FASTKD3: variants seen among roughly 807,000 people sequenced by gnomAD.
FASTKD3 encodes the protein FAST kinase domains 3, also known as FAST kinase domain-containing protein 3, mitochondrial.
FASTKD3 carries 47 observed loss-of-function variants against 49.7 expected under a neutral mutation model. That is an observed-to-expected ratio of 0.95 (90% confidence interval 0.75 to 1.21). FASTKD3 has a LOEUF of 1.21. FASTKD3 is among the 50% of genes most tolerant of loss of function. FASTKD3 has a pLI of 0.00. For synonymous variants in FASTKD3, 284 were observed against 288.6 expected (o/e 0.98, Z 0.16); for missense variants, 748 against 765.7 (o/e 0.98, Z 0.27).
In FASTKD3 at chr5:7,859,551, G is replaced by GA; in HGVS notation, c.1885-13dup. The GA allele has an allele frequency of 6.5e-7, 1 of 1,540,384 alleles. No individual in the cohort carries two copies. The highest frequency in any genetic ancestry group is 8.9e-7 in the Non-Finnish European group (1 of 1,124,304). Reference sequence around the variant, plus strand: ...TCATGATAGGGGATCTGTAAAGGTAGAAAAGTAAAACTGGTCAAGATCCTT... The same window carrying GA: ...TCATGATAGGGGATCTGTAAAGGTAGAAAAAGTAAAACTGGTCAAGATCCTT... On this transcript the variant is annotated splice_polypyrimidine_tract_variant and intron_variant, in intron 6 of 6. Coordinates refer to ENST00000264669, the MANE Select transcript of FASTKD3 (RefSeq NM_024091.4).
rs993907707 is a variant in FASTKD3, at chr5:7,863,911, C to T, written c.1525-914G>A. Among the ~76,000 whole-genome samples the T allele has an allele frequency of 7.9e-5, 12 of 152,040 alleles. No individual in the cohort carries two copies. In the East Asian group the frequency reaches 9.7e-4, roughly 12 times the overall value. On this transcript the variant is annotated intron_variant, in intron 3 of 6. Transcript: ENST00000264669. ...TGTTGCCCAGGCTGGAGTACAATGA[C>T]GCGACCTCGGCTCACTGCAACCTCC...
In FASTKD3 at chr5:7,862,970, C is replaced by T; in HGVS notation, c.1552G>A (p.Val518Met). 1 of 1,613,766 alleles carries T rather than the reference C, an allele frequency of 6.2e-7. No individual in the cohort carries two copies. Residue 518 changes from valine to methionine, a missense_variant, in exon 4 of 7, where the codon GTG becomes ATG. Around this residue, in one of 3 missense-constraint regions of FASTKD3, gnomAD observed 178 missense variants for 182.2 expected, o/e 0.98. Coordinates refer to ENST00000264669, the MANE Select transcript of FASTKD3 (RefSeq NM_024091.4). ...CAGCATGGGGTAAGAAATGACTTCA[C>T]TTGATATTTAGGAAGGAGTTTTGGA... Reference protein sequence around the residue: ...KGPKLLPKYQVKSFLTPCCSL... With the variant: ...KGPKLLPKYQMKSFLTPCCSL...
rs757276725 is a variant in FASTKD3 at position 7,866,693 on chromosome 5, T to C, written c.1391A>G (p.Asn464Ser). 1.9e-6 allele frequency: 3 copies of C among 1,602,032 alleles called. No individual in the cohort carries two copies. The highest frequency in any genetic ancestry group is 2.6e-6 in the Non-Finnish European group (3 of 1,175,252). The change falls in exon 2 of 7, where the codon AAC becomes AGC. Residue 464 changes from asparagine (N) to serine (S), a missense_variant. This residue lies in a region of FASTKD3 where 564 missense variants were observed against 562.8 expected (regional missense o/e 1.00). Coordinates refer to ENST00000264669, the MANE Select transcript of FASTKD3 (RefSeq NM_024091.4). Reference sequence around the variant, plus strand: ...AGGCTTGAATATTTTTGCCAGAAAGTTGACTGGATGGCATTCATTAAGTGA... The same window carrying C: ...AGGCTTGAATATTTTTGCCAGAAAGCTGACTGGATGGCATTCATTAAGTGA... ...SCSLNECHPV[N>S]FLAKIFKPLF...
chr5:7,867,362 T>C lies in FASTKD3; in HGVS notation c.722A>G (p.Asn241Ser). 6.2e-7 allele frequency: 1 copy of C among 1,614,116 alleles called. No homozygotes were observed. The highest frequency in any genetic ancestry group is 8.5e-7 in the Non-Finnish European group (1 of 1,180,010). The change falls in exon 2 of 7, where the codon AAT (asparagine) becomes AGT (serine). Residue 241 changes from asparagine (N) to serine (S), a missense_variant. By Grantham distance (46) the Asn-to-Ser change is conservative. This residue lies in a region of FASTKD3 where 564 missense variants were observed against 562.8 expected (regional missense o/e 1.00). Coordinates refer to ENST00000264669, the MANE Select transcript of FASTKD3 (RefSeq NM_024091.4). ...TTCCAATTTTTCACCTTGAAGTTGA[T>C]TTATAATGAGTTCTAGTGTCACACA... is the stretch of plus-strand genomic sequence containing the variant. ...SGCVTLELII[N>S]QLQGEKLETF...
Position 7,868,998 on chromosome 5 carries a change from A to T in FASTKD3, c.-133T>A. The stretch of plus-strand genomic sequence containing the variant: ...ACCTACCGCGCTCTGCCGGGCAATC[A>T]CTCCGGGTGGTCGCGGAAGCGCCTG... On this transcript the variant is annotated 5_prime_UTR_variant, in exon 1 of 7. Transcript: ENST00000264669. 1 of 1,002,754 alleles carries T rather than the reference A, an allele frequency of 1.0e-6. No individual in the cohort carries two copies. The highest frequency in any genetic ancestry group is 1.6e-6 in the Non-Finnish European group (1 of 636,586). The allele number at this position is 1,002,754 out of a possible 1,614,324, so 62.1% of individuals were successfully genotyped here. A position where few individuals can be genotyped will look rare whatever the true frequency, so the allele number is the denominator to read the frequency against.
rs191045598 is a variant in FASTKD3 at position 7,861,775 on chromosome 5, T to C, written c.1700-123A>G. On this transcript the variant is annotated intron_variant, in intron 4 of 6. Coordinates refer to ENST00000264669, the MANE Select transcript of FASTKD3 (RefSeq NM_024091.4). ...TGCATTGATCAATTGGACTGAAGGCTGCAAAGTAATGACCACAACCAAACA... is the reference window on the plus strand; with the variant it reads ...TGCATTGATCAATTGGACTGAAGGCCGCAAAGTAATGACCACAACCAAACA... 21 of 1,449,456 alleles carry C rather than the reference T, an allele frequency of 1.4e-5. 2 individuals carry two copies. The Admixed American group carries it at 3.1e-4, about 21-fold the overall frequency. The allele number at this position is 1,449,456 out of a possible 1,614,324, so 89.8% of individuals were successfully genotyped here. A position where few individuals can be genotyped will look rare whatever the true frequency, so the allele number is the denominator to read the frequency against.
intron 3 of FASTKD3, among the ~76,000 whole-genome samples, chr5:7,863,789 A>C (rs1746723340): frequency 6.6e-6 from 1 of 152,198 alleles, no homozygotes; most frequent in African/African-American, 2.4e-5. Flanking sequence ...GACTATAGTT[A>C]ATAAGAATGA....
chr5:7,867,177 G>A lies in FASTKD3; in HGVS notation c.907C>T (p.Leu303=), dbSNP rs1179906612. ...PKLISQMLTA[L]VVLDQSQAFP... is the part of the protein sequence containing the mutation. ...GCTTGACTTTGATCAAGAACCACCAGGGCAGTGAGCATTTGGCTAATCAAT... is the reference window on the plus strand; with the variant it reads ...GCTTGACTTTGATCAAGAACCACCAAGGCAGTGAGCATTTGGCTAATCAAT... Residue 303 remains leucine (L), a synonymous_variant, in exon 2 of 7, where the codon CTG becomes TTG. Transcript: ENST00000264669. The A allele has an allele frequency of 6.2e-7, 1 of 1,614,122 alleles. No individual in the cohort carries two copies.
chr5:7,868,473 T>A (rs1747231922), intron 1 of FASTKD3, among the ~76,000 whole-genome samples: 1 of 152,160 alleles, frequency 6.6e-6, no homozygotes, highest in Admixed American at 6.5e-5. Context: ...GCAATGTAGC[T>A]CTTAAGGGTG....
At chr5:7,860,865 T>TA (rs1474167437) in intron 6 of FASTKD3, among the ~76,000 whole-genome samples, 1 of 152,184 alleles carries the variant, frequency 6.6e-6, no homozygotes, top group African/African-American at 2.4e-5. Flanking sequence ...CTAATAATTA[T>TA]ATAACTAGGA....
intron 1 of FASTKD3, among the ~76,000 whole-genome samples, 172 bp from the exon 2 acceptor site, chr5:7,868,368 T>A (rs1747215140): frequency 1.3e-5 from 2 of 152,100 alleles, no homozygotes; most frequent in Non-Finnish European, 2.9e-5. Context: ...TCAGTACTTT[T>A]ACTATCATTT....
rs765297986 is a variant in FASTKD3, at chr5:7,867,573, A to T, written c.511T>A (p.Ser171Thr). 22 of 1,614,264 alleles carry T rather than the reference A, an allele frequency of 1.4e-5. No homozygotes were observed. The South Asian group carries it at 2.3e-4, about 17-fold the overall frequency. The change falls in exon 2 of 7, where the codon TCA becomes ACA. Residue 171 changes from serine (S) to threonine (T), a missense_variant. This residue lies in a region of FASTKD3 where 564 missense variants were observed against 562.8 expected (regional missense o/e 1.00). Transcript: ENST00000264669. Reference protein sequence around the residue: ...ALCFQFEKEPSQLSNTSLVTA... With the variant: ...ALCFQFEKEPTQLSNTSLVTA... ...ACTAAACTAGTGTTTGACAGCTGTGAGGGCTCCTTTTCAAACTGAAAGCAT... is the reference window on the plus strand; with the variant it reads ...ACTAAACTAGTGTTTGACAGCTGTGTGGGCTCCTTTTCAAACTGAAAGCAT...
chr5:7,865,810 A>T, intron 3 of FASTKD3, 88 bp downstream of exon 3: 1 of 948,552 alleles, frequency 1.1e-6, no homozygotes, highest in Non-Finnish European at 1.6e-6. Flanking sequence ...CTGCTTTTTC[A>T]GGTTATTGAG....
In FASTKD3 at chr5:7,859,263, T is replaced by A. The variant is rs549666177; in HGVS notation, c.*172A>T. ...ACTAGTATTAAATTAAAATTAATTT[T>A]AAATTTTACCACAATAAATGTATAC... On this transcript the variant is annotated 3_prime_UTR_variant, in exon 7 of 7. Transcript: ENST00000264669. 1 of 391,322 alleles carries A rather than the reference T, an allele frequency of 2.6e-6. No homozygotes were observed. The highest frequency in any genetic ancestry group is 3.8e-5 in the East Asian group (1 of 26,342). 24.2% of individuals were successfully genotyped at this position (391,322 alleles called of 1,614,324 possible).
intron 6 of FASTKD3, 64 bp from the exon 7 acceptor site, chr5:7,859,603 G>T: frequency 9.3e-7 from 1 of 1,074,596 alleles, no homozygotes; most frequent in Non-Finnish European, 1.4e-6. Context: ...TCTGGCTATT[G>T]GTTACTTTGT....
Position 7,862,841 on chromosome 5 carries a change from G to A in FASTKD3, c.1681C>T (p.Pro561Ser). Residue 561 changes from proline (P) to serine (S), a missense_variant, in exon 4 of 7, where the codon CCC becomes TCC. Around this residue, in one of 3 missense-constraint regions of FASTKD3, gnomAD observed 178 missense variants for 182.2 expected, o/e 0.98. Coordinates refer to ENST00000264669, the MANE Select transcript of FASTKD3 (RefSeq NM_024091.4). Reference sequence around the variant, plus strand: ...TACTTACCTATTGTATAACAATAGGGTGTCAACACTTTTGGAGCAAAATAT... The same window carrying A: ...TACTTACCTATTGTATAACAATAGGATGTCAACACTTTTGGAGCAAAATAT... ...RLYFAPKVLT[P>S]YCYTIDVEIK... The A allele has an allele frequency of 1.2e-6, 2 of 1,613,206 alleles. No individual in the cohort carries two copies. The highest frequency in any genetic ancestry group is 1.7e-6 in the Non-Finnish European group (2 of 1,179,542).
chr5:7,866,532 G>A lies in FASTKD3; in HGVS notation c.1438+114C>T, dbSNP rs1285808549. The A allele has an allele frequency of 1.6e-5, 12 of 771,656 alleles. No homozygotes were observed. The East Asian group carries it at 2.0e-4, about 13-fold the overall frequency. 47.8% of individuals were successfully genotyped at this position (771,656 alleles called of 1,614,324 possible). A position where few individuals can be genotyped will look rare whatever the true frequency, so the allele number is the denominator to read the frequency against. ...TCTGTTAACTTCAGGTCTCATCTTC[G>A]GATCACTATGGAAGAAAAACTAAAG... On this transcript the variant is annotated intron_variant, in intron 2 of 6. Transcript: ENST00000264669.
chr5:7,868,940 G>A (rs1175994204), intron 1 of FASTKD3, 39 bp downstream of exon 1: 6 of 683,772 alleles, frequency 8.8e-6, no homozygotes, highest in African/African-American at 7.0e-5. Flanking sequence ...TTGACACCCA[G>A]CCGGACCAAC....
At chr5:7,862,607 G>A (rs944938683) in intron 4 of FASTKD3, among the ~76,000 whole-genome samples, 1 of 151,976 alleles carries the variant, frequency 6.6e-6, no homozygotes, top group African/African-American at 2.4e-5. Flanking sequence ...TAAATATTCT[G>A]CCCAGGATAT....
Sources: allele counts gnomAD v4.1 joint callset (sites outside exome capture counted in the v4.1 genomes callset), GRCh38; gene constraint gnomAD v4.1.1; regional missense constraint gnomAD v4.1.1; transcripts MANE v1.5; gene names NCBI Gene and HGNC (gene_info 2026-07-23, HGNC 2026-07-21).